Variants in TBX15 observed in about 807,000 individuals in gnomAD.
TBX15 encodes T-box transcription factor TBX15.
Under a neutral mutation model 53.9 loss-of-function variants are expected in TBX15, and 18 were observed. The observed-to-expected ratio is 0.33, with a 90% CI of 0.23 to 0.49. The LOEUF (loss-of-function observed/expected upper bound fraction) is 0.49. TBX15 is among the 20% of genes least tolerant of loss of function. TBX15 has a pLI of 0.98. For synonymous variants in TBX15, 295 were observed against 278.0 expected, an observed-to-expected ratio of 1.06 and a Z score of -0.61; for missense variants, 692 against 749.5, an observed-to-expected ratio of 0.92 and a Z score of 0.90.
chr1:118,914,358 G>A (rs1489878814), intron 5 of TBX15, among the ~76,000 whole-genome samples, 179 bp from the exon 6 acceptor site: 1 of 152,096 alleles, frequency 6.6e-6, no homozygotes, highest in East Asian at 1.9e-4. Context: ...ACAGATGTCT[G>A]ACCCACCCGA....
chr1:118,916,545 A>AT (rs1416867702), intron 5 of TBX15, among the ~76,000 whole-genome samples: 1 of 152,180 alleles, frequency 6.6e-6, no homozygotes, highest in African/African-American at 2.4e-5. Context: ...ATACCATCTC[A>AT]CGCCAGTCAG....
chr1:118,980,020 A>G (rs1413160673), intron 1 of TBX15, among the ~76,000 whole-genome samples: 1 of 152,218 alleles, frequency 6.6e-6, no homozygotes, highest in East Asian at 1.9e-4. Flanking sequence ...GCCACGGCCT[A>G]ATTCTGACTT....
intron 1 of TBX15, among the ~76,000 whole-genome samples, chr1:118,960,369 G>A (rs1342064641): frequency 6.6e-6 from 1 of 152,176 alleles, no homozygotes; most frequent in South Asian, 2.1e-4. Flanking sequence ...GAAACAACTG[G>A]ATGCAAATCA....
intron 5 of TBX15, among the ~76,000 whole-genome samples, chr1:118,918,391 C>T (rs1557883550): frequency 6.6e-6 from 1 of 152,204 alleles, no homozygotes; most frequent in South Asian, 2.1e-4. Context: ...AGCCAGGGAT[C>T]AAGAGTCCCA....
intron 1 of TBX15, among the ~76,000 whole-genome samples, chr1:118,976,445 C>T (rs953248344): frequency 1.3e-5 from 2 of 152,192 alleles, no homozygotes; most frequent in Admixed American, 1.3e-4. Context: ...ATGAATCCTT[C>T]TATTTCCTAT....
At chr1:118,981,117 T>A (rs1657632109) in intron 1 of TBX15, among the ~76,000 whole-genome samples, 1 of 152,210 alleles carries the variant, frequency 6.6e-6, no homozygotes, top group Non-Finnish European at 1.5e-5. Flanking sequence ...GTTACAGGCA[T>A]GAGCCTGGCC....
intron 1 of TBX15, among the ~76,000 whole-genome samples, chr1:118,968,137 G>A (rs1158550190): frequency 6.6e-6 from 1 of 152,118 alleles, no homozygotes; most frequent in Admixed American, 6.5e-5. Flanking sequence ...TTTTTCTCCT[G>A]GGAATTCCTA....
chr1:118,902,405 C>T (rs898917847), intron 6 of TBX15, among the ~76,000 whole-genome samples: 1 of 152,052 alleles, frequency 6.6e-6, no homozygotes, highest in African/African-American at 2.4e-5. Context: ...TCTTCTATGC[C>T]CAGTTTTCTA....
chr1:118,978,908 T>C (rs1657529788), intron 1 of TBX15, among the ~76,000 whole-genome samples: 1 of 152,244 alleles, frequency 6.6e-6, no homozygotes, highest in African/African-American at 2.4e-5. Flanking sequence ...AAGGCACTGC[T>C]GTGTTCACAA....
At chr1:118,947,413 AAG>A (rs774055547) in intron 1 of TBX15, among the ~76,000 whole-genome samples, 16 of 152,330 alleles carry the variant, frequency 1.1e-4, no homozygotes, top group Non-Finnish European at 1.8e-4. Context: ...TCAGAATCAG[AAG>A]GTAGGAGTGT....
At chr1:118,908,901 AC>A (rs1458787178) in intron 6 of TBX15, among the ~76,000 whole-genome samples, 1 of 146,670 alleles carries the variant, frequency 6.8e-6, no homozygotes, top group East Asian at 1.9e-4. Context: ...GTTTACTTAC[AC>A]ATACGCACAC....
intron 7 of TBX15, among the ~76,000 whole-genome samples, chr1:118,885,817 C>A (rs775164359): frequency 1.3e-5 from 2 of 152,122 alleles, no homozygotes; most frequent in Non-Finnish European, 2.9e-5. Context: ...ATAAAAATAA[C>A]AATAAACCTT....
chr1:118,967,808 T>C (rs552771978), intron 1 of TBX15, among the ~76,000 whole-genome samples: 1 of 152,358 alleles, frequency 6.6e-6, no homozygotes, highest in African/African-American at 2.4e-5. Context: ...TATTCTGTTG[T>C]CAGTGTTAAA....
rs556016674 is a variant in TBX15, at chr1:118,950,576, C to T, written c.206-18744G>A. ...CTGAGAGCAAACTCCAAGTACAGGG[C>T]CAGGCTGCGGCCTTCCCAGAAAAGC... On this transcript the variant is annotated intron_variant, in intron 1 of 7. Transcript: ENST00000369429. Among the ~76,000 whole-genome samples, 33 of 152,318 alleles carry T rather than the reference C, an allele frequency of 2.2e-4. No homozygotes were observed. In the South Asian group the frequency reaches 5.0e-3, roughly 23 times the overall value.
In TBX15 at chr1:118,958,593, G is replaced by T. The variant is rs561429803; in HGVS notation, c.206-26761C>A. 2.6e-5 allele frequency among the ~76,000 whole-genome samples: 4 copies of T among 151,856 alleles called. No individual in the cohort carries two copies. In the South Asian group the frequency reaches 8.3e-4, roughly 32 times the overall value. ...GATCAGTGATATAATTTTTGCCTCC[G>T]CATGGTCCTGGTCCTACCCTAACAA... is the stretch of plus-strand genomic sequence containing the variant. On this transcript the variant is annotated intron_variant, in intron 1 of 7. Coordinates refer to ENST00000369429, the MANE Select transcript of TBX15 (RefSeq NM_001330677.2).
chr1:118,942,774 T>A (rs759320854), intron 1 of TBX15, among the ~76,000 whole-genome samples: 1 of 152,152 alleles, frequency 6.6e-6, no homozygotes, highest in African/African-American at 2.4e-5. Context: ...CTCCTCCACA[T>A]TAACCTAAGA....
chr1:118,899,409 G>A (rs919337439), intron 6 of TBX15, among the ~76,000 whole-genome samples: 8 of 152,110 alleles, frequency 5.3e-5, no homozygotes, highest in African/African-American at 1.9e-4. Context: ...AGGCAAAAAA[G>A]CATGGTAAGT....
intron 1 of TBX15, among the ~76,000 whole-genome samples, chr1:118,973,074 T>A (rs761970713): frequency 1.7e-4 from 26 of 152,210 alleles, no homozygotes; most frequent in Non-Finnish European, 3.4e-4. Flanking sequence ...TTAATTGACA[T>A]GATGTATGTA....
chr1:118,986,805 T>A (rs934224325), intron 1 of TBX15, among the ~76,000 whole-genome samples: 11 of 152,106 alleles, frequency 7.2e-5, no homozygotes, highest in Non-Finnish European at 1.5e-4. Context: ...CAACAGCTGT[T>A]CCCCCGGGCT....
Sources: allele counts gnomAD v4.1 joint callset (sites outside exome capture counted in the v4.1 genomes callset), GRCh38; gene constraint gnomAD v4.1.1; transcripts MANE v1.5; gene names NCBI Gene and HGNC (gene_info 2026-07-23, HGNC 2026-07-21).